Variants in NBR1 observed in about 807,000 individuals in gnomAD.
NBR1 encodes NBR1 autophagy cargo receptor, also known as next to BRCA1 gene 1 protein.
NBR1 carries 59 observed loss-of-function variants against 115.5 expected under a neutral mutation model. The observed-to-expected ratio is 0.51, with a 90% CI of 0.41 to 0.63. NBR1 has a LOEUF of 0.63. Among genes scored for constraint, NBR1 ranks in the 30% least tolerant of loss-of-function variants. The pLI, the probability that NBR1 is intolerant of heterozygous loss-of-function variation, is 0.00. For synonymous variants in NBR1, 373 were observed against 414.7 expected (o/e 0.90, Z 1.22); for missense variants, 1,043 against 1,150.5 (o/e 0.91, Z 1.35).
intron 15 of NBR1, 64 bp downstream of exon 15, chr17:43,196,655 A>G (rs2057075445): frequency 2.9e-5 from 36 of 1,235,636 alleles, no homozygotes; most frequent in Non-Finnish European, 4.0e-5. Flanking sequence ...CCTATTTTAC[A>G]GCTATCCCCT....
At chr17:43,184,450 C>T (rs1248592962) in intron 5 of NBR1, among the ~76,000 whole-genome samples, 1 of 146,030 alleles carries the variant, frequency 6.8e-6, no homozygotes, top group East Asian at 2.1e-4. Context: ...ATTGCAACCT[C>T]CGCCTCCTGG....
chr17:43,172,714 G>C (rs750874465), intron 1 of NBR1, among the ~76,000 whole-genome samples: 28 of 152,212 alleles, frequency 1.8e-4, no homozygotes, highest in Middle Eastern at 3.4e-3. Context: ...AATTGTCTTA[G>C]GGTTTCAAAA....
In NBR1 at chr17:43,210,320, C is replaced by T. The variant is rs1209413712; in HGVS notation, c.*246C>T. 1.8e-5 allele frequency: 7 copies of T among 394,478 alleles called. No homozygotes were observed. The highest frequency in any genetic ancestry group is 2.2e-5 in the Non-Finnish European group (5 of 224,446). The allele number at this position is 394,478 out of a possible 1,614,324, so 24.4% of individuals were successfully genotyped here. A position where few individuals can be genotyped will look rare whatever the true frequency, so the allele number is the denominator to read the frequency against. On this transcript the variant is annotated 3_prime_UTR_variant, in exon 21 of 21. Transcript: ENST00000590996. ...AGTTTTTCAGTTGATTTGGATAAAA[C>T]TATTTTAGTGCATTGACAAGTGTAA...
intron 20 of NBR1, among the ~76,000 whole-genome samples, chr17:43,204,919 TGAGCCACAATG>T (rs2057284656): frequency 6.6e-6 from 1 of 151,702 alleles, no homozygotes; most frequent in Non-Finnish European, 1.5e-5. Context: ...GCTGCCGTAG[TGAGCCACAATG>T]GAGCCACTGC....
chr17:43,190,565 C>A, intron 8 of NBR1, 44 bp from the exon 9 acceptor site: 1 of 1,546,512 alleles, frequency 6.5e-7, no homozygotes, highest in Non-Finnish European at 8.7e-7. Flanking sequence ...ACCCCAGGTA[C>A]TTCCTATTCT....
In NBR1 at chr17:43,196,580, A is replaced by G; in HGVS notation, c.1850A>G (p.Lys617Arg). The G allele has an allele frequency of 6.3e-7, 1 of 1,598,608 alleles. No homozygotes were observed. The highest frequency in any genetic ancestry group is 8.5e-7 in the Non-Finnish European group (1 of 1,172,326). ...GAAGAGAATGAAGGGGCAGGATTTA[A>G]AGCACTTCCTGGTAAGGGATTAAAC... is the stretch of plus-strand genomic sequence containing the variant. ...IEEENEGAGFKALPDSMVSVK... is the reference protein window; with the variant it reads ...IEEENEGAGFRALPDSMVSVK... The change falls in exon 15 of 21, where the codon AAA (lysine) becomes AGA (arginine). Residue 617 changes from lysine to arginine, a missense_variant. Physicochemically the swap from Lys to Arg is conservative, Grantham distance 26. Transcript: ENST00000590996.
At chr17:43,201,547 TA>T (rs1279261785) in intron 17 of NBR1, 138 bp from the exon 18 acceptor site, 4 of 628,782 alleles carry the variant, frequency 6.4e-6, no homozygotes, top group Non-Finnish European at 1.1e-5. Flanking sequence ...GATGGAACCC[TA>T]AATCCAGACA....
intron 5 of NBR1, among the ~76,000 whole-genome samples, chr17:43,185,924 C>T (rs1327288120): frequency 6.6e-6 from 1 of 151,870 alleles, no homozygotes; most frequent in East Asian, 1.9e-4. Context: ...TCGTTTGAAC[C>T]CAGGAGGCGG....
At chr17:43,192,041 G>A (rs1342194719) in intron 10 of NBR1, among the ~76,000 whole-genome samples, 1 of 84,792 alleles carries the variant, frequency 1.2e-5, no homozygotes, top group Admixed American at 1.7e-4. Flanking sequence ...TTTTTTTTGA[G>A]ATGGAGTCTC....
chr17:43,193,369 C>A lies in NBR1; in HGVS notation c.1255C>A (p.Leu419Met). The stretch of plus-strand genomic sequence containing the variant: ...TCAGCTCAAGTTCATGTGGGGAAAC[C>A]TGACTTTGGCTTCCACAGAAAAGAA... ...DTKLKFMWGN[L>M]TLASTEKKDV... Residue 419 changes from leucine (L) to methionine (M), a missense_variant, in exon 12 of 21, where the codon CTG becomes ATG. Leu to Met is a conservative substitution (Grantham distance 15). Coordinates refer to ENST00000590996, the MANE Select transcript of NBR1 (RefSeq NM_005899.5). 1 of 1,613,892 alleles carries A rather than the reference C, an allele frequency of 6.2e-7. No individual in the cohort carries two copies.
chr17:43,203,962 A>C (rs2057260481), intron 20 of NBR1, among the ~76,000 whole-genome samples, 176 bp downstream of exon 20: 1 of 150,118 alleles, frequency 6.7e-6, no homozygotes, highest in Non-Finnish European at 1.5e-5. Flanking sequence ...TTTTGAGACG[A>C]AGTCTCGCTC....
At chr17:43,198,944 CA>C in intron 16 of NBR1, among the ~76,000 whole-genome samples, 1 of 152,306 alleles carries the variant, frequency 6.6e-6, no homozygotes, top group Non-Finnish European at 1.5e-5. Context: ...GCCTGGGCAA[CA>C]GAGTGAGACT....
chr17:43,210,529 C>T lies in NBR1; in HGVS notation c.*455C>T. The T allele has an allele frequency of 2.5e-6, 1 of 398,142 alleles. No homozygotes were observed. Among genetic ancestry groups the T allele is most frequent in the Non-Finnish European group, 4.4e-6 (1 of 226,040 alleles). The allele number at this position is 398,142 out of a possible 1,614,324, so 24.7% of individuals were successfully genotyped here. ...TATTCTCATAATTTCTGTAATCCAC[C>T]TCAAGCTTCATAGTTATTTGGCATT... On this transcript the variant is annotated 3_prime_UTR_variant, in exon 21 of 21. Coordinates refer to ENST00000590996, the MANE Select transcript of NBR1 (RefSeq NM_005899.5).
chr17:43,196,755 G>A (rs1487267715), intron 15 of NBR1, among the ~76,000 whole-genome samples, 164 bp downstream of exon 15: 5 of 152,208 alleles, frequency 3.3e-5, no homozygotes, highest in Admixed American at 3.3e-4. Flanking sequence ...ACAGATAGCA[G>A]CTATTCCTTG....
intron 2 of NBR1, 53 bp from the exon 3 acceptor site, chr17:43,177,882 CT>C: frequency 3.1e-6 from 4 of 1,311,302 alleles, no homozygotes; most frequent in South Asian, 3.6e-5. Flanking sequence ...GTTTTTTTTA[CT>C]TTGACTTCTG....
intron 4 of NBR1, among the ~76,000 whole-genome samples, chr17:43,180,062 A>G (rs1054844249): frequency 9.9e-5 from 15 of 152,212 alleles, no homozygotes; most frequent in African/African-American, 3.6e-4. Context: ...TTCATATATA[A>G]TAAGCTAAGA....
chr17:43,201,340 T>C (rs2057193384), intron 17 of NBR1, among the ~76,000 whole-genome samples: 1 of 152,266 alleles, frequency 6.6e-6, no homozygotes, highest in East Asian at 1.9e-4. Context: ...CTGGTGAATC[T>C]ATCTGAATCA....
chr17:43,206,259 C>G (rs1385339828), intron 20 of NBR1, among the ~76,000 whole-genome samples: 1 of 151,502 alleles, frequency 6.6e-6, no homozygotes, highest in Non-Finnish European at 1.5e-5. Context: ...TATTTTAAGG[C>G]TAATTAATAG....
In NBR1 at chr17:43,189,988, TTGTGTTCAAA is replaced by T. The variant is rs1240829561; in HGVS notation, c.695+191_695+200del. On this transcript the variant is annotated intron_variant, in intron 8 of 20. Coordinates refer to ENST00000590996, the MANE Select transcript of NBR1 (RefSeq NM_005899.5). ...TTGTATGTTGTAACTATTCAGATTGTTGTGTTCAAATGTGCATTTGGATTAGCAAAGCCAG... is the reference window on the plus strand; with the variant it reads ...TTGTATGTTGTAACTATTCAGATTGTTGTGCATTTGGATTAGCAAAGCCAG... 4.9e-6 allele frequency: 3 copies of T among 611,936 alleles called. No individual in the cohort carries two copies. In the Admixed American group the frequency reaches 8.8e-5, roughly 18 times the overall value. 37.9% of individuals were successfully genotyped at this position (611,936 alleles called of 1,614,324 possible).
Sources: gnomAD v4.1 joint callset for allele counts (sites outside exome capture counted in the v4.1 genomes callset) on GRCh38, gnomAD v4.1.1 for gene constraint, MANE v1.5 for transcripts, NCBI Gene and HGNC (gene_info 2026-07-23, HGNC 2026-07-21) for gene names.